Variants in SLC17A1 observed in about 807,000 individuals in gnomAD.
SLC17A1 encodes the protein sodium-dependent phosphate transport protein 1.
Under a neutral mutation model 53.5 loss-of-function variants are expected in SLC17A1, and 51 were observed. The observed-to-expected ratio is 0.95, with a 90% confidence interval of 0.76 to 1.20. SLC17A1 has a LOEUF of 1.20. Among genes scored for constraint, SLC17A1 ranks in the 50% most tolerant of loss-of-function variants. SLC17A1 has a pLI of 0.00. For missense variants in SLC17A1, 538 were observed against 568.2 expected (o/e 0.95, Z 0.54); for synonymous variants, 179 against 198.8 (o/e 0.90, Z 0.84).
At chr6:25,770,515 G>A in the SLC17A1 span, 4 of 1,574,650 alleles carry the variant, frequency 2.5e-6, no homozygotes, top group African/African-American at 4.0e-5. Flanking sequence ...CTGTCCAGGA[G>A]AACTCAGCAA....
the SLC17A1 span, among the ~76,000 whole-genome samples, chr6:25,767,145 A>G: frequency 2.6e-5 from 4 of 152,162 alleles, no homozygotes; most frequent in Non-Finnish European, 5.9e-5. Context: ...AACATTTCAG[A>G]TCACAGATTG....
the SLC17A1 span, among the ~76,000 whole-genome samples, chr6:25,750,633 CAG>C: frequency 0.2 from 29,560 of 145,594 alleles, 3,171 homozygotes; most frequent in South Asian, 0.28. Flanking sequence ...TAACCCATGT[CAG>C]AGAGAGAGAG....
the SLC17A1 span, chr6:25,726,506 C>T: frequency 9.9e-6 from 16 of 1,610,728 alleles, no homozygotes; most frequent in South Asian, 1.4e-4. Context: ...GCTTTTCCTC[C>T]CTGCTTCCCT....
At chr6:25,760,981 T>C in the SLC17A1 span, among the ~76,000 whole-genome samples, 138,356 of 152,238 alleles carry the variant, frequency 0.91, 62,999 homozygotes, top group East Asian at 0.98. Context: ...TGGATCACTT[T>C]TTTGAGTGTT....
At chr6:25,792,373 A>G (rs964894763) in intron 12 of SLC17A1, among the ~76,000 whole-genome samples, 1 of 152,224 alleles carries the variant, frequency 6.6e-6, no homozygotes, top group African/African-American at 2.4e-5. Flanking sequence ...CACGCCTGTA[A>G]TCCCAGCACT....
intron 3 of SLC17A1, among the ~76,000 whole-genome samples, chr6:25,820,493 T>G (rs1004802572): frequency 6.6e-6 from 1 of 152,224 alleles, no homozygotes; most frequent in African/African-American, 2.4e-5. Flanking sequence ...TTTCTCTTCC[T>G]TCACTTGGTT....
chr6:25,732,259 A>T, the SLC17A1 span, among the ~76,000 whole-genome samples: 89 of 152,344 alleles, frequency 5.8e-4, no homozygotes, highest in Middle Eastern at 6.8e-3. Flanking sequence ...CGTCATTTGC[A>T]TCCAACATCT....
At chr6:25,748,996 T>G in the SLC17A1 span, among the ~76,000 whole-genome samples, 41,302 of 152,092 alleles carry the variant, frequency 0.27, 6,825 homozygotes, top group East Asian at 0.7. Context: ...AGGAGACAGA[T>G]GCCTTCCTCT....
chr6:25,813,298 C>G, intron 6 of SLC17A1, 85 bp from the exon 7 acceptor site: 1 of 1,069,494 alleles, frequency 9.4e-7, no homozygotes, highest in South Asian at 1.3e-5. Context: ...ATGTATCAGT[C>G]TGAGAAACTG....
chr6:25,817,604 T>G (rs1347881009), intron 6 of SLC17A1, among the ~76,000 whole-genome samples: 1 of 152,198 alleles, frequency 6.6e-6, no homozygotes, highest in African/African-American at 2.4e-5. Context: ...CTGTACATGA[T>G]CTTATCATAG....
chr6:25,798,773 C>T lies in SLC17A1; in HGVS notation c.*2+10G>A. ...TTTCAAAAATTGTCCTTAATCTGAT[C>T]ACTTCTCACCTTCAGAGACGTGTGT... is the stretch of plus-strand genomic sequence containing the variant. On this transcript the variant is annotated intron_variant, in intron 12 of 12. Transcript: ENST00000244527. The T allele has an allele frequency of 6.3e-7, 1 of 1,593,876 alleles. No homozygotes were observed. Among genetic ancestry groups the T allele is most frequent in the Non-Finnish European group, 8.6e-7 (1 of 1,166,482 alleles).
chr6:25,739,694 A>G, the SLC17A1 span, among the ~76,000 whole-genome samples: 1 of 152,190 alleles, frequency 6.6e-6, no homozygotes, highest in Non-Finnish European at 1.5e-5. Flanking sequence ...ATATCAAAAT[A>G]TTACATACTA....
chr6:25,777,200 G>A, the SLC17A1 span: 4 of 467,580 alleles, frequency 8.6e-6, no homozygotes, highest in South Asian at 3.8e-5. Context: ...AGTCAACTGA[G>A]GGAGACTCAC....
At chr6:25,799,980 T>C (rs973525429) in intron 11 of SLC17A1, among the ~76,000 whole-genome samples, 2 of 152,190 alleles carry the variant, frequency 1.3e-5, no homozygotes, top group East Asian at 1.9e-4. Flanking sequence ...CTCCTCTTTA[T>C]GGGAAATGTG....
At chr6:25,752,239 C>G in the SLC17A1 span, among the ~76,000 whole-genome samples, 1 of 152,312 alleles carries the variant, frequency 6.6e-6, no homozygotes, top group African/African-American at 2.4e-5. Flanking sequence ...GTTATGTGGT[C>G]TAGCCCATTG....
At chr6:25,745,514 T>C in the SLC17A1 span, among the ~76,000 whole-genome samples, 42,244 of 152,086 alleles carry the variant, frequency 0.28, 6,258 homozygotes, top group African/African-American at 0.36. Context: ...TAACATTTAC[T>C]TGGTCTTTGG....
the SLC17A1 span, among the ~76,000 whole-genome samples, chr6:25,746,786 G>A: frequency 3.0e-3 from 454 of 152,182 alleles, 4 homozygotes; most frequent in African/African-American, 9.9e-3. Flanking sequence ...CCAACCTTGC[G>A]TATCCCCTTC....
chr6:25,777,054 A>C, the SLC17A1 span: 11 of 1,371,348 alleles, frequency 8.0e-6, no homozygotes, highest in African/African-American at 1.4e-5. Flanking sequence ...TGGCAGGTAC[A>C]ACAGGTTGCA....
At chr6:25,726,861 G>GT in the SLC17A1 span, 2 of 1,567,938 alleles carry the variant, frequency 1.3e-6, no homozygotes, top group Non-Finnish European at 1.7e-6. Flanking sequence ...AAAGTGCTGT[G>GT]TAACCCTGGA....
Sources: allele counts gnomAD v4.1 joint callset (sites outside exome capture counted in the v4.1 genomes callset), GRCh38; gene constraint gnomAD v4.1.1; transcripts MANE v1.5; gene names NCBI Gene and HGNC (gene_info 2026-07-23, HGNC 2026-07-21).